The following CACNA1D variants were observed in gnomAD, a reference collection of about 807,000 sequenced individuals.
CACNA1D encodes calcium voltage-gated channel subunit alpha1 D.
Under a neutral mutation model 257.1 loss-of-function variants are expected in CACNA1D, and 55 were observed. That is an observed-to-expected ratio of 0.21 (90% confidence interval 0.17 to 0.27). The LOEUF is 0.27. CACNA1D is among the 10% of genes least tolerant of loss of function. The probability of loss-of-function intolerance (pLI) is 1.00; values close to 1 mark genes in which losing one functional copy is unlikely to be tolerated. For missense variants in CACNA1D, 1,876 were observed against 2,784.0 expected (o/e 0.67, Z 7.34); for synonymous variants, 980 against 1,014.9 (o/e 0.97, Z 0.65).
At chr3:53,799,675 C>G (rs955436667) in intron 40 of CACNA1D, among the ~76,000 whole-genome samples, 1 of 152,228 alleles carries the variant, frequency 6.6e-6, no homozygotes, top group Non-Finnish European at 1.5e-5. Context: ...TCTGCTCCGT[C>G]GTGGTCCGAG....
chr3:53,647,332 C>T (rs759587558), intron 3 of CACNA1D, among the ~76,000 whole-genome samples: 1 of 152,202 alleles, frequency 6.6e-6, no homozygotes, highest in Non-Finnish European at 1.5e-5. Context: ...TTTCCCTGTA[C>T]CTGGGGAAGG....
chr3:53,785,319 A>G (rs3774593), intron 39 of CACNA1D, among the ~76,000 whole-genome samples: 6,273 of 152,256 alleles, frequency 0.041, 190 homozygotes, highest in Middle Eastern at 0.1. Flanking sequence ...ACACCACTCC[A>G]GGACTATCTT....
chr3:53,566,189 G>A (rs1188464018), intron 3 of CACNA1D, among the ~76,000 whole-genome samples: 1 of 152,162 alleles, frequency 6.6e-6, no homozygotes, highest in Non-Finnish European at 1.5e-5. Flanking sequence ...AGCTTTCAGA[G>A]CATAGCAAGT....
At chr3:53,620,295 T>A (rs2093682139) in intron 3 of CACNA1D, among the ~76,000 whole-genome samples, 1 of 152,138 alleles carries the variant, frequency 6.6e-6, no homozygotes, top group Admixed American at 6.5e-5. Flanking sequence ...ATCTCTCTTT[T>A]CTTCTTCTTT....
intron 7 of CACNA1D, among the ~76,000 whole-genome samples, chr3:53,672,758 CTGTGTGTGTGTGTGTGTGTG>C (rs57956658): frequency 0.015 from 1,422 of 95,092 alleles, 15 homozygotes; most frequent in African/African-American, 0.024. Flanking sequence ...CTTGATGACT[CTGTGTGTGTGTGTGTGTGTG>C]TGTGTGTGTG....
intron 3 of CACNA1D, among the ~76,000 whole-genome samples, chr3:53,607,410 G>A (rs568182553): frequency 6.6e-6 from 1 of 152,336 alleles, no homozygotes; most frequent in South Asian, 2.1e-4. Flanking sequence ...AATCAGAAAG[G>A]GAGGGCATAA....
intron 3 of CACNA1D, among the ~76,000 whole-genome samples, chr3:53,621,781 G>A (rs1041323763): frequency 2.0e-5 from 3 of 152,064 alleles, no homozygotes; most frequent in African/African-American, 4.8e-5. Context: ...ATAAACAAGC[G>A]AGCGATTTTT....
rs2095532395 is a variant in CACNA1D at position 53,800,745 on chromosome 3, C to T, written c.5041-313C>T. ...TCAGTCCCCCAGCCCAGAGAGCATG[C>T]CCAACCTTGGGGCCACCAGCCAGCC... On this transcript the variant is annotated intron_variant, in intron 41 of 47. Coordinates refer to ENST00000350061, the MANE Select transcript of CACNA1D (RefSeq NM_001128840.3). The surrounding 1 kb of genome is among the most constrained non-coding windows in gnomAD (Gnocchi z 4.3). 2 of 512,842 alleles carry T rather than the reference C, an allele frequency of 3.9e-6. No homozygotes were observed. Among genetic ancestry groups the T allele is most frequent in the South Asian group, 4.1e-5 (2 of 49,316 alleles). 31.8% of individuals were successfully genotyped at this position (512,842 alleles called of 1,614,324 possible).
At chr3:53,745,992 C>T (rs1464868909) in intron 25 of CACNA1D, 117 bp downstream of exon 25, 1 of 775,780 alleles carries the variant, frequency 1.3e-6, no homozygotes, top group Admixed American at 2.0e-5. Flanking sequence ...CCTGTGTGCT[C>T]AGCTTGTGGG....
intron 8 of CACNA1D, among the ~76,000 whole-genome samples, chr3:53,690,397 C>T (rs2094508375): frequency 6.6e-6 from 1 of 152,242 alleles, no homozygotes; most frequent in Non-Finnish European, 1.5e-5. Flanking sequence ...TTTAGTTTTC[C>T]TCTTGAATCT....
At chr3:53,769,931 T>C (rs754400548) in intron 30 of CACNA1D, 42 bp from the exon 31 acceptor site, 5 of 1,502,008 alleles carry the variant, frequency 3.3e-6, no homozygotes, top group Non-Finnish European at 3.7e-6. Context: ...ATTGACTCCT[T>C]CCTGGTTCAT....
At chr3:53,710,105 A>G (rs2094734712) in intron 9 of CACNA1D, among the ~76,000 whole-genome samples, 1 of 152,038 alleles carries the variant, frequency 6.6e-6, no homozygotes, top group South Asian at 2.1e-4. Flanking sequence ...TTAATACCCT[A>G]CTTAGATGGG....
At chr3:53,643,825 G>A (rs959745198) in intron 3 of CACNA1D, among the ~76,000 whole-genome samples, 6 of 152,222 alleles carry the variant, frequency 3.9e-5, no homozygotes, top group Admixed American at 6.5e-5. Context: ...ACTGCTCTTC[G>A]CCCTGAACAG....
In CACNA1D at chr3:53,555,455, TG is replaced by T. The variant is rs1379981114; in HGVS notation, c.483+53736del. Among the ~76,000 whole-genome samples, 578 of 108,142 alleles carry T rather than the reference TG, an allele frequency of 5.3e-3. 7 individuals are homozygous for T. The highest frequency in any genetic ancestry group is 0.024 in the African/African-American group (554 of 23,492). The allele number at this position is 108,142 out of a possible 152,430, so 70.9% of individuals were successfully genotyped here. Reference sequence around the variant, plus strand: ...TCTGGTGGGTGTGTGTGTGTGTGTGTGTGTGTTTTTTTTTTTTTTTTTTTTT... The same window carrying T: ...TCTGGTGGGTGTGTGTGTGTGTGTGTTGTGTTTTTTTTTTTTTTTTTTTTT... On this transcript the variant is annotated intron_variant, in intron 3 of 47. Transcript: ENST00000350061.
chr3:53,732,987 CA>C (rs2095013786), intron 19 of CACNA1D, 25 bp downstream of exon 19: 5 of 1,613,284 alleles, frequency 3.1e-6, no homozygotes, highest in Middle Eastern at 1.6e-4. Flanking sequence ...TCTAGTCTCT[CA>C]CGGCTGCCTC....
chr3:53,585,460 A>G (rs1225256323), intron 3 of CACNA1D, among the ~76,000 whole-genome samples: 3 of 152,068 alleles, frequency 2.0e-5, no homozygotes, highest in South Asian at 4.1e-4. Context: ...CCAACAAAAA[A>G]CCCAGACTCT....
intron 3 of CACNA1D, among the ~76,000 whole-genome samples, chr3:53,525,471 T>A (rs1194779355): frequency 6.6e-6 from 1 of 152,116 alleles, no homozygotes; most frequent in Non-Finnish European, 1.5e-5. Context: ...GATGACCCAG[T>A]GGTGAAGAGT....
In CACNA1D at chr3:53,800,503, A is replaced by ACC; in HGVS notation, c.5040+140_5040+141dup. 2 of 757,020 alleles carry ACC rather than the reference A, an allele frequency of 2.6e-6. No homozygotes were observed. Among genetic ancestry groups the ACC allele is most frequent in the South Asian group, 2.8e-5 (2 of 71,896 alleles). The allele number at this position is 757,020 out of a possible 1,614,324, so 46.9% of individuals were successfully genotyped here. A position where few individuals can be genotyped will look rare whatever the true frequency, so the allele number is the denominator to read the frequency against. On this transcript the variant is annotated intron_variant, in intron 41 of 47. Coordinates refer to ENST00000350061, the MANE Select transcript of CACNA1D (RefSeq NM_001128840.3). The surrounding 1 kb of genome is among the most constrained non-coding windows in gnomAD (Gnocchi z 4.3). ...GGGCCTAGAGGGGCTTTCAGACCAC[A>ACC]CCCTCCCCCTCTTACAGACCCTCCC...
intron 3 of CACNA1D, among the ~76,000 whole-genome samples, chr3:53,541,022 G>A (rs762415789): frequency 9.2e-5 from 14 of 152,148 alleles, no homozygotes; most frequent in South Asian, 4.2e-4. Flanking sequence ...GATTGCAGGC[G>A]TGAGCCACTG....
Sources: gnomAD v4.1 joint callset for allele counts (sites outside exome capture counted in the v4.1 genomes callset) on GRCh38, gnomAD v4.1.1 for gene constraint, Gnocchi (gnomAD v3.1) non-coding constraint, MANE v1.5 for transcripts, NCBI Gene and HGNC (gene_info 2026-07-23, HGNC 2026-07-21) for gene names.